CNTNAP2: variants seen among roughly 807,000 people sequenced by gnomAD.
CNTNAP2 encodes the protein contactin associated protein 2.
In CNTNAP2, 98 loss-of-function variants were observed where a neutral mutation model predicts 155.2. That is an observed-to-expected ratio of 0.63 (90% CI 0.54 to 0.75). The LOEUF (loss-of-function observed/expected upper bound fraction) is 0.75, where lower values mean the gene tolerates loss of function less well. CNTNAP2 is among the 30% of genes least tolerant of loss of function. CNTNAP2 has a pLI of 0.00. For missense variants in CNTNAP2, 1,727 were observed against 1,688.1 expected, an observed-to-expected ratio of 1.02 and a Z score of -0.40; for synonymous variants, 651 against 631.2, an observed-to-expected ratio of 1.03 and a Z score of -0.47.
chr7:147,784,217 A>G (rs1483302117), intron 13 of CNTNAP2, among the ~76,000 whole-genome samples: 1 of 151,700 alleles, frequency 6.6e-6, no homozygotes, highest in Non-Finnish European at 1.5e-5. Context: ...CTGATTTCCA[A>G]ACAAGGTCAT....
chr7:146,631,774 A>AT (rs1257486224), intron 1 of CNTNAP2, among the ~76,000 whole-genome samples: 12 of 152,204 alleles, frequency 7.9e-5, no homozygotes, highest in Non-Finnish European at 1.2e-4. Flanking sequence ...ACTGGCTGGT[A>AT]TTTTTTTAAG....
At chr7:147,582,701 GCTTAT>G (rs1800526947) in intron 12 of CNTNAP2, among the ~76,000 whole-genome samples, 2 of 151,972 alleles carry the variant, frequency 1.3e-5, no homozygotes, top group African/African-American at 4.8e-5. Context: ...ATTATTTCTA[GCTTAT>G]CTTATTAATT....
chr7:146,309,995 T>G (rs998988455), intron 1 of CNTNAP2, among the ~76,000 whole-genome samples: 1 of 152,202 alleles, frequency 6.6e-6, no homozygotes, highest in African/African-American at 2.4e-5. Flanking sequence ...ATAGAGTTAG[T>G]GCAAATATGT....
intron 3 of CNTNAP2, among the ~76,000 whole-genome samples, chr7:146,864,551 T>A (rs899753999): frequency 6.6e-6 from 1 of 152,120 alleles, no homozygotes; most frequent in East Asian, 1.9e-4. Flanking sequence ...TTATTTAATA[T>A]TACATTGGAG....
chr7:146,212,989 A>G (rs977519213), intron 1 of CNTNAP2, among the ~76,000 whole-genome samples: 2 of 152,206 alleles, frequency 1.3e-5, no homozygotes, highest in Non-Finnish European at 2.9e-5. Context: ...CTGAAAGTCT[A>G]AAGTGCTCTC....
chr7:146,437,410 A>G lies in CNTNAP2; in HGVS notation c.97+320437A>G, dbSNP rs982192890. On this transcript the variant is annotated intron_variant, in intron 1 of 23. Coordinates refer to ENST00000361727, the MANE Select transcript of CNTNAP2 (RefSeq NM_014141.6). Reference sequence around the variant, plus strand: ...ATTATAACACAGAATAAAATAATAAATGCCATATTGAATCAAAACTATATT... The same window carrying G: ...ATTATAACACAGAATAAAATAATAAGTGCCATATTGAATCAAAACTATATT... Among the ~76,000 whole-genome samples the G allele has an allele frequency of 1.3e-5, 2 of 151,564 alleles. 1 individual carries two copies. Among genetic ancestry groups the G allele is most frequent in the African/African-American group, 4.9e-5 (2 of 40,858 alleles).
In CNTNAP2 at chr7:147,143,735, G is replaced by C. The variant is rs148285735; in HGVS notation, c.1348+11226G>C. Among the ~76,000 whole-genome samples the C allele has an allele frequency of 2.9e-3, 446 of 152,054 alleles. 2 individuals carry two copies. Among genetic ancestry groups the C allele is most frequent in the African/African-American group, 0.01 (423 of 41,480 alleles). On this transcript the variant is annotated intron_variant, in intron 8 of 23. Coordinates refer to ENST00000361727, the MANE Select transcript of CNTNAP2 (RefSeq NM_014141.6). ...AGGCTAATGTGTGTGAAATTGATCA[G>C]GAATTAAATTTTAATTTGATACTTT...
intron 2 of CNTNAP2, among the ~76,000 whole-genome samples, chr7:146,824,482 G>A (rs1267942899): frequency 2.0e-5 from 3 of 152,030 alleles, no homozygotes; most frequent in Admixed American, 6.6e-5. Context: ...CACAATGGTT[G>A]AACTAATTTT....
intron 1 of CNTNAP2, among the ~76,000 whole-genome samples, chr7:146,475,096 A>T (rs904210366): frequency 1.3e-5 from 2 of 152,228 alleles, no homozygotes; most frequent in Non-Finnish European, 2.9e-5. Flanking sequence ...AGATACATAT[A>T]TAATTTATTT....
chr7:146,514,398 A>T (rs1797511461), intron 1 of CNTNAP2, among the ~76,000 whole-genome samples: 1 of 151,976 alleles, frequency 6.6e-6, no homozygotes, highest in Non-Finnish European at 1.5e-5. Context: ...TCTAGATCTC[A>T]TAGGCGTTCT....
chr7:148,242,207 T>C (rs1431485902), intron 20 of CNTNAP2, among the ~76,000 whole-genome samples: 1 of 152,220 alleles, frequency 6.6e-6, no homozygotes, highest in Non-Finnish European at 1.5e-5. Flanking sequence ...AGATTGTAAC[T>C]CTTGGAGCAA....
rs1369583297 is a variant in CNTNAP2, at chr7:148,415,830, G to A, written c.*214G>A. On this transcript the variant is annotated 3_prime_UTR_variant, in exon 24 of 24. Transcript: ENST00000361727. The stretch of plus-strand genomic sequence containing the variant: ...TCTTTATAGCTGAGTTTTCCCTTCT[G>A]TATCAAAACAAAATAATACAAAAAA... 1 of 611,928 alleles carries A rather than the reference G, an allele frequency of 1.6e-6. No individual in the cohort carries two copies. Among genetic ancestry groups the A allele is most frequent in the Non-Finnish European group, 2.8e-6 (1 of 352,296 alleles). 37.9% of individuals were successfully genotyped at this position (611,928 alleles called of 1,614,324 possible).
intron 11 of CNTNAP2, among the ~76,000 whole-genome samples, chr7:147,488,988 G>T (rs1339432355): frequency 1.3e-5 from 2 of 152,162 alleles, no homozygotes; most frequent in Non-Finnish European, 2.9e-5. Context: ...CAGAGCAATT[G>T]TCCTTTTCCT....
At chr7:147,221,939 A>G (rs561915039) in intron 8 of CNTNAP2, among the ~76,000 whole-genome samples, 7 of 152,332 alleles carry the variant, frequency 4.6e-5, no homozygotes, top group African/African-American at 1.7e-4. Context: ...GTTTCTGAGA[A>G]GAAGTCAGAT....
intron 1 of CNTNAP2, among the ~76,000 whole-genome samples, chr7:146,642,933 G>A (rs1453061999): frequency 6.6e-6 from 1 of 151,470 alleles, no homozygotes; most frequent in East Asian, 1.9e-4. Context: ...TGTTTCATGT[G>A]TTTTTTGGCT....
chr7:147,329,966 G>A (rs937778291), intron 9 of CNTNAP2, among the ~76,000 whole-genome samples: 3 of 152,090 alleles, frequency 2.0e-5, no homozygotes, highest in African/African-American at 7.2e-5. Context: ...CTTTGGCTCT[G>A]ACTCCTGGCA....
intron 13 of CNTNAP2, among the ~76,000 whole-genome samples, chr7:147,893,993 G>C (rs1458326635): frequency 6.6e-6 from 1 of 152,114 alleles, no homozygotes; most frequent in Non-Finnish European, 1.5e-5. Flanking sequence ...GAAAATTCTG[G>C]CCGGCTTGAT....
intron 12 of CNTNAP2, among the ~76,000 whole-genome samples, chr7:147,611,427 G>C (rs1040192016): frequency 1.3e-4 from 20 of 152,250 alleles, no homozygotes; most frequent in Non-Finnish European, 2.5e-4. Context: ...TGTAAATGTA[G>C]TCAGTAACTC....
At chr7:146,916,338 G>A (rs1192669628) in intron 3 of CNTNAP2, among the ~76,000 whole-genome samples, 1 of 152,072 alleles carries the variant, frequency 6.6e-6, no homozygotes, top group Non-Finnish European at 1.5e-5. Flanking sequence ...TTCAAAGAAT[G>A]ATTTAGAGAG....
Sources: gnomAD v4.1 joint callset for allele counts (sites outside exome capture counted in the v4.1 genomes callset) on GRCh38, gnomAD v4.1.1 for gene constraint, MANE v1.5 for transcripts, NCBI Gene and HGNC (gene_info 2026-07-23, HGNC 2026-07-21) for gene names.